DPYD: variants seen among roughly 807,000 people sequenced by gnomAD.
The protein encoded by DPYD is dihydropyrimidine dehydrogenase.
Under a neutral mutation model 116.2 loss-of-function variants are expected in DPYD, and 109 were observed. The observed-to-expected ratio is 0.94, with a 90% CI of 0.80 to 1.10. The LOEUF (loss-of-function observed/expected upper bound fraction) is 1.10. Ranked by LOEUF, DPYD falls within the 50% of genes least tolerant of loss-of-function variation. The probability of loss-of-function intolerance (pLI) is 0.00; values close to 1 mark genes in which losing one functional copy is unlikely to be tolerated. For missense variants in DPYD, 1,302 were observed against 1,254.5 expected, an observed-to-expected ratio of 1.04 and a Z score of -0.57; for synonymous variants, 440 against 432.0, an observed-to-expected ratio of 1.02 and a Z score of -0.23.
At chr1:97,107,091 CACTGCCTGCTG>C (rs1651222272) in intron 20 of DPYD, among the ~76,000 whole-genome samples, 1 of 152,134 alleles carries the variant, frequency 6.6e-6, no homozygotes, top group East Asian at 1.9e-4. Context: ...TTCACTCCCA[CACTGCCTGCTG>C]ACTGCCTCAC....
At chr1:97,822,348 T>G (rs1668988700) in intron 3 of DPYD, among the ~76,000 whole-genome samples, 1 of 148,004 alleles carries the variant, frequency 6.8e-6, no homozygotes, top group Admixed American at 6.8e-5. Context: ...TTTATATACT[T>G]TATAAATTTA....
intron 18 of DPYD, among the ~76,000 whole-genome samples, chr1:97,263,941 AATAT>A (rs1664048962): frequency 6.6e-6 from 1 of 152,100 alleles, no homozygotes; most frequent in Non-Finnish European, 1.5e-5. Context: ...TCAAAATTTT[AATAT>A]ATGTCAAGTA....
At position 97,198,571 on chromosome 1, in the gene DPYD, C is replaced by G. The variant is rs554613544; in HGVS notation, c.2443-5323G>C. Among the ~76,000 whole-genome samples the G allele has an allele frequency of 6.8e-4, 104 of 152,278 alleles. 1 individual carries two copies. Among genetic ancestry groups the G allele is most frequent in the Admixed American group, 6.7e-3 (102 of 15,284 alleles). On this transcript the variant is annotated intron_variant, in intron 19 of 22. Coordinates refer to ENST00000370192, the MANE Select transcript of DPYD (RefSeq NM_000110.4). ...ATATACTCCATTGAGGGCCTTATCGCTATCTCAAAGGTAAATCGTTCTTGT... is the reference window on the plus strand; with the variant it reads ...ATATACTCCATTGAGGGCCTTATCGGTATCTCAAAGGTAAATCGTTCTTGT...
chr1:97,163,196 C>A (rs1188386649), intron 20 of DPYD, among the ~76,000 whole-genome samples: 1 of 152,094 alleles, frequency 6.6e-6, no homozygotes, highest in Non-Finnish European at 1.5e-5. Flanking sequence ...AAACAGGCGA[C>A]CTACAAAATG....
chr1:97,847,831 A>G (rs191090856), intron 2 of DPYD, among the ~76,000 whole-genome samples: 5 of 152,308 alleles, frequency 3.3e-5, no homozygotes, highest in Admixed American at 2.6e-4. Context: ...CTTTTCTATT[A>G]AAGGAAAAGA....
chr1:97,416,671 T>C (rs1674307630), intron 14 of DPYD, among the ~76,000 whole-genome samples: 1 of 152,226 alleles, frequency 6.6e-6, no homozygotes, highest in African/African-American at 2.4e-5. Context: ...AAAAGAATTC[T>C]GTCTGGAAAT....
intron 14 of DPYD, among the ~76,000 whole-genome samples, chr1:97,388,049 T>C (rs534365881): frequency 1.1e-4 from 16 of 152,268 alleles, no homozygotes; most frequent in African/African-American, 3.8e-4. Context: ...ATAATGTGGC[T>C]TTCATAATAT....
intron 8 of DPYD, among the ~76,000 whole-genome samples, chr1:97,609,554 TC>T (rs1655805404): frequency 6.6e-6 from 1 of 152,024 alleles, no homozygotes; most frequent in Admixed American, 6.6e-5. Context: ...GGACTAGGTA[TC>T]CTTATGCTCA....
intron 8 of DPYD, among the ~76,000 whole-genome samples, chr1:97,624,723 A>G (rs752778450): frequency 1.2e-4 from 19 of 152,094 alleles, no homozygotes; most frequent in Admixed American, 2.0e-4. Flanking sequence ...CTAAGTATCT[A>G]TCAACAGATA....
chr1:97,190,150 T>C (rs539336315), intron 20 of DPYD, among the ~76,000 whole-genome samples: 63 of 152,308 alleles, frequency 4.1e-4, no homozygotes, highest in African/African-American at 1.3e-3. Flanking sequence ...AGTTTCTTCA[T>C]TGGGTATTTC....
chr1:97,824,214 C>A (rs532593707), intron 3 of DPYD, among the ~76,000 whole-genome samples: 3 of 152,156 alleles, frequency 2.0e-5, no homozygotes, highest in Non-Finnish European at 4.4e-5. Flanking sequence ...TCCTCTATAT[C>A]AAATTATACT....
chr1:97,351,751 T>A (rs1021079968), intron 16 of DPYD, among the ~76,000 whole-genome samples: 1 of 151,886 alleles, frequency 6.6e-6, no homozygotes, highest in Non-Finnish European at 1.5e-5. Flanking sequence ...ATCAAACGTG[T>A]TTCAGGAGAA....
chr1:97,086,114 C>T (rs889224161), intron 21 of DPYD, among the ~76,000 whole-genome samples: 3 of 152,202 alleles, frequency 2.0e-5, no homozygotes, highest in African/African-American at 2.4e-5. Flanking sequence ...AGTGCAGTGG[C>T]GTGATCTCGG....
At chr1:97,191,459 G>A (rs570515356) in intron 20 of DPYD, among the ~76,000 whole-genome samples, 2 of 151,992 alleles carry the variant, frequency 1.3e-5, no homozygotes, top group African/African-American at 2.4e-5. Context: ...TTTTTTAAAC[G>A]AATGATAATG....
At chr1:97,673,907 T>C (rs1370597322) in intron 8 of DPYD, among the ~76,000 whole-genome samples, 3 of 152,110 alleles carry the variant, frequency 2.0e-5, no homozygotes, top group Non-Finnish European at 2.9e-5. Context: ...AAACTTCAGA[T>C]AAGGTAAAAC....
intron 19 of DPYD, among the ~76,000 whole-genome samples, chr1:97,229,570 AT>A (rs762425784): frequency 0.22 from 29,851 of 133,060 alleles, 4,318 homozygotes; most frequent in Middle Eastern, 0.29. Context: ...ATATATATAT[AT>A]ATATATATAT....
chr1:97,533,275 T>C (rs953143117), intron 12 of DPYD, among the ~76,000 whole-genome samples: 5 of 152,110 alleles, frequency 3.3e-5, no homozygotes, highest in Non-Finnish European at 7.4e-5. Flanking sequence ...GTTATAATAT[T>C]ATCTGTTAAT....
rs967028690 is a variant in DPYD, at chr1:97,096,645, C to G, written c.2766+1844G>C. Among the ~76,000 whole-genome samples the G allele has an allele frequency of 2.0e-5, 3 of 152,092 alleles. No homozygotes were observed. The South Asian group carries it at 6.2e-4, about 32-fold the overall frequency. ...ATACCAATCAGCACTCTGTAAAATG[C>G]ACAAATCAGTGCTCTGTAAAACGCA... is the stretch of plus-strand genomic sequence containing the variant. On this transcript the variant is annotated intron_variant, in intron 21 of 22. Coordinates refer to ENST00000370192, the MANE Select transcript of DPYD (RefSeq NM_000110.4).
At chr1:97,153,676 T>G (rs763261311) in intron 20 of DPYD, among the ~76,000 whole-genome samples, 3 of 152,054 alleles carry the variant, frequency 2.0e-5, no homozygotes, top group Admixed American at 6.6e-5. Context: ...AAACTTCCTG[T>G]ATAGCAAAAG....
Sources: allele counts gnomAD v4.1 joint callset (sites outside exome capture counted in the v4.1 genomes callset), GRCh38; gene constraint gnomAD v4.1.1; transcripts MANE v1.5; gene names NCBI Gene and HGNC (gene_info 2026-07-23, HGNC 2026-07-21).